GSE1: variants seen among roughly 807,000 people sequenced by gnomAD.
GSE1 encodes the protein Gse1 coiled-coil protein.
In GSE1, 32 loss-of-function variants were observed where a neutral mutation model predicts 112.6. The observed-to-expected ratio is 0.28, with a 90% CI of 0.21 to 0.38. The LOEUF is 0.38. GSE1 is among the 10% of genes least tolerant of loss of function. The pLI is 1.00. For missense variants in GSE1, 2,348 were observed against 1,699.2 expected, an observed-to-expected ratio of 1.38 and a Z score of -6.71; for synonymous variants, 1,115 against 735.6, an observed-to-expected ratio of 1.52 and a Z score of -8.35.
intron 1 of GSE1, among the ~76,000 whole-genome samples, chr16:85,279,985 C>A (rs1027317170): frequency 6.6e-6 from 1 of 152,228 alleles, no homozygotes; most frequent in Admixed American, 6.5e-5. Flanking sequence ...TCCCCACACA[C>A]AGAGCTGAGG....
At chr16:85,262,670 A>G (rs1040568404) in intron 1 of GSE1, among the ~76,000 whole-genome samples, 5 of 152,186 alleles carry the variant, frequency 3.3e-5, no homozygotes, top group African/African-American at 2.4e-5. Context: ...GGATTTAGCA[A>G]TCAGACCAGA....
At chr16:85,174,369 C>A (rs974108048) in intron 1 of GSE1, among the ~76,000 whole-genome samples, 20 of 152,200 alleles carry the variant, frequency 1.3e-4, no homozygotes, top group African/African-American at 4.8e-4. Context: ...GTGGTGAGGC[C>A]GCTGGGGCAG....
At chr16:85,608,692 T>G (rs1209128210), upstream of GSE1, among the ~76,000 whole-genome samples, 2 of 152,134 alleles carry the variant, frequency 1.3e-5, no homozygotes, top group Admixed American at 6.5e-5. Context: ...ACTCGGGCTG[T>G]GTAATGGAGG....
chr16:85,590,137 CCT>C (rs1413757989), intron 1 of GSE1, among the ~76,000 whole-genome samples: 3 of 151,850 alleles, frequency 2.0e-5, no homozygotes, highest in Non-Finnish European at 4.4e-5. Flanking sequence ...TGATCATGAC[CCT>C]GTGATTGTGA....
chr16:85,604,848 C>A (rs1239229871), intron 1 of GSE1, among the ~76,000 whole-genome samples: 1 of 29,508 alleles, frequency 3.4e-5, no homozygotes, highest in Non-Finnish European at 5.5e-5. Context: ...GATGGAGTCT[C>A]GCTCTGTCGC....
chr16:85,515,043 G>A (rs913059380), intron 2 of GSE1, among the ~76,000 whole-genome samples: 3 of 152,236 alleles, frequency 2.0e-5, no homozygotes, highest in Non-Finnish European at 2.9e-5. Flanking sequence ...GGATGTGTGT[G>A]CATGTGTGTG....
At chr16:85,289,301 C>T (rs1321304388) in intron 1 of GSE1, among the ~76,000 whole-genome samples, 1 of 152,122 alleles carries the variant, frequency 6.6e-6, no homozygotes, top group Admixed American at 6.5e-5. Flanking sequence ...TTTCCCAGGC[C>T]CGAGAGGCTG....
intron 1 of GSE1, among the ~76,000 whole-genome samples, chr16:85,267,079 A>C (rs922165099): frequency 6.6e-6 from 1 of 152,248 alleles, no homozygotes; most frequent in Admixed American, 6.5e-5. Flanking sequence ...CCGCTCAGCT[A>C]ATTATGTGGA....
chr16:85,310,084 G>T (rs2045794399), intron 1 of GSE1, among the ~76,000 whole-genome samples: 2 of 152,216 alleles, frequency 1.3e-5, no homozygotes. Context: ...ACTTAGCACG[G>T]CCTCACCCCT....
At chr16:85,354,550 A>G (rs2046911840) in intron 1 of GSE1, among the ~76,000 whole-genome samples, 1 of 152,190 alleles carries the variant, frequency 6.6e-6, no homozygotes, top group Non-Finnish European at 1.5e-5. Context: ...TCTCCACCCC[A>G]GGAGGGGCCT....
chr16:85,211,074 A>G (rs1285662486), intron 1 of GSE1, among the ~76,000 whole-genome samples: 5 of 152,200 alleles, frequency 3.3e-5, no homozygotes, highest in African/African-American at 1.2e-4. Flanking sequence ...TGAGTGCTCA[A>G]GGAGCATTTA....
At chr16:85,457,762 G>A (rs2049869023) in intron 2 of GSE1, among the ~76,000 whole-genome samples, 1 of 152,242 alleles carries the variant, frequency 6.6e-6, no homozygotes. Context: ...CTGTAGGGGT[G>A]GAGGGAGCCA....
intron 1 of GSE1, among the ~76,000 whole-genome samples, chr16:85,178,082 G>T (rs1462820900): frequency 6.6e-6 from 1 of 152,200 alleles, no homozygotes; most frequent in Non-Finnish European, 1.5e-5. Context: ...GCGATGAGAG[G>T]TTGAGGAACC....
intron 1 of GSE1, among the ~76,000 whole-genome samples, chr16:85,204,047 G>C (rs2143583601): frequency 6.6e-6 from 1 of 152,358 alleles, no homozygotes; most frequent in East Asian, 1.9e-4. Context: ...TGGGATTACA[G>C]GCATGAGCCG....
intron 1 of GSE1, among the ~76,000 whole-genome samples, chr16:85,220,065 A>G (rs749614808): frequency 2.0e-5 from 3 of 152,200 alleles, no homozygotes; most frequent in African/African-American, 4.8e-5. Flanking sequence ...GTGTTCTTAC[A>G]TGATGTCAGA....
intron 1 of GSE1, among the ~76,000 whole-genome samples, chr16:85,629,725 C>T (rs932321121): frequency 6.6e-6 from 1 of 152,192 alleles, no homozygotes; most frequent in African/African-American, 2.4e-5. Flanking sequence ...CTGATGGTCT[C>T]TGGCATCGAA....
At chr16:85,482,261 C>G (rs1419896617) in intron 2 of GSE1, among the ~76,000 whole-genome samples, 1 of 152,240 alleles carries the variant, frequency 6.6e-6, no homozygotes, top group Non-Finnish European at 1.5e-5. Context: ...CTGGGACTCA[C>G]TGGCACTGGG....
intron 1 of GSE1, among the ~76,000 whole-genome samples, chr16:85,247,793 G>C (rs982511021): frequency 6.6e-6 from 1 of 152,218 alleles, no homozygotes; most frequent in African/African-American, 2.4e-5. Flanking sequence ...GCACATGGGG[G>C]ACATGCCAGG....
intron 1 of GSE1, chr16:85,556,470 T>A: frequency 3.1e-6 from 1 of 323,246 alleles, no homozygotes; most frequent in Non-Finnish European, 4.4e-6. Context: ...GTCGGGGCAT[T>A]GGGTCCGCCG....
Sources: allele counts gnomAD v4.1 joint callset (sites outside exome capture counted in the v4.1 genomes callset), GRCh38; gene constraint gnomAD v4.1.1; transcripts MANE v1.5; gene names NCBI Gene and HGNC (gene_info 2026-07-23, HGNC 2026-07-21).